ADCY2: variants seen among roughly 807,000 people sequenced by gnomAD.
The protein encoded by ADCY2 is adenylate cyclase 2, also known as adenylate cyclase type 2.
In ADCY2, 31 loss-of-function variants were observed where a neutral mutation model predicts 125.2. The ratio of observed to expected loss-of-function variants is 0.25; its 90% confidence interval spans 0.19 to 0.33. The LOEUF (loss-of-function observed/expected upper bound fraction) is 0.33, where lower values mean the gene tolerates loss of function less well. Ranked by LOEUF, ADCY2 falls within the 10% of genes least tolerant of loss-of-function variation. The pLI, the probability that ADCY2 is intolerant of heterozygous loss-of-function variation, is 1.00. For missense variants in ADCY2, 904 were observed against 1,418.2 expected (o/e 0.64, Z 5.82); for synonymous variants, 512 against 548.4 (o/e 0.93, Z 0.93).
intron 3 of ADCY2, among the ~76,000 whole-genome samples, chr5:7,614,507 T>C (rs1737683414): frequency 6.6e-6 from 1 of 152,228 alleles, no homozygotes; most frequent in African/African-American, 2.4e-5. Flanking sequence ...CAGAATCTTA[T>C]CAGCCCAAAA....
At chr5:7,736,669 A>T (rs966510289) in intron 14 of ADCY2, among the ~76,000 whole-genome samples, 1 of 152,136 alleles carries the variant, frequency 6.6e-6, no homozygotes, top group Admixed American at 6.5e-5. Flanking sequence ...GGTCTATTTG[A>T]CCTGACTTCA....
chr5:7,585,474 GT>G (rs1258784179), intron 3 of ADCY2, among the ~76,000 whole-genome samples: 1 of 152,164 alleles, frequency 6.6e-6, no homozygotes, highest in Non-Finnish European at 1.5e-5. Context: ...GGCAAATGTG[GT>G]TTTAATTTAT....
chr5:7,442,730 T>C (rs937400160), intron 2 of ADCY2, among the ~76,000 whole-genome samples: 3 of 152,210 alleles, frequency 2.0e-5, no homozygotes, highest in African/African-American at 7.2e-5. Flanking sequence ...TAGGGCTAAT[T>C]AGTTTATCTG....
At chr5:7,451,837 G>A (rs546530721) in intron 2 of ADCY2, among the ~76,000 whole-genome samples, 2 of 152,136 alleles carry the variant, frequency 1.3e-5, no homozygotes, top group South Asian at 4.2e-4. Flanking sequence ...TTGTATAGTG[G>A]TGAAGTCAGA....
intron 2 of ADCY2, among the ~76,000 whole-genome samples, chr5:7,510,170 T>A (rs1296884146): frequency 6.6e-6 from 1 of 152,238 alleles, no homozygotes; most frequent in Non-Finnish European, 1.5e-5. Context: ...CAATGGTTTT[T>A]ATTTTAAAAT....
At chr5:7,543,115 G>A (rs1735045153) in intron 3 of ADCY2, among the ~76,000 whole-genome samples, 2 of 152,200 alleles carry the variant, frequency 1.3e-5, no homozygotes, top group Non-Finnish European at 2.9e-5. Context: ...GATGATAAAA[G>A]TGGAAATAAA....
chr5:7,569,971 T>C (rs913179982), intron 3 of ADCY2, among the ~76,000 whole-genome samples: 1 of 148,248 alleles, frequency 6.7e-6, no homozygotes, highest in African/African-American at 2.5e-5. Flanking sequence ...CCATTAATAA[T>C]CTTGAAAGTG....
chr5:7,606,937 C>T (rs1384223936), intron 3 of ADCY2, among the ~76,000 whole-genome samples: 5 of 152,102 alleles, frequency 3.3e-5, no homozygotes, highest in African/African-American at 9.7e-5. Flanking sequence ...CATCCCATTC[C>T]CACCCCTGTT....
intron 1 of ADCY2, among the ~76,000 whole-genome samples, chr5:7,406,889 C>T (rs2126309307): frequency 6.6e-6 from 1 of 152,320 alleles, no homozygotes; most frequent in Admixed American, 6.5e-5. Context: ...TCTGCCTTCT[C>T]ATGCTATGTC....
At chr5:7,515,792 G>A (rs1744233482) in intron 2 of ADCY2, among the ~76,000 whole-genome samples, 1 of 152,104 alleles carries the variant, frequency 6.6e-6, no homozygotes. Flanking sequence ...CTGGGGTCTC[G>A]GCTATGAGTG....
At chr5:7,603,733 G>A (rs1737295799) in intron 3 of ADCY2, among the ~76,000 whole-genome samples, 1 of 106,518 alleles carries the variant, frequency 9.4e-6, no homozygotes, top group Non-Finnish European at 1.9e-5. Flanking sequence ...GAAGGTTCCA[G>A]TATGGCATCT....
chr5:7,787,942 T>C (rs1560995382), intron 19 of ADCY2, among the ~76,000 whole-genome samples: 1 of 152,194 alleles, frequency 6.6e-6, no homozygotes, highest in East Asian at 1.9e-4. Flanking sequence ...CATCTCATGC[T>C]TCACTTTTGT....
At chr5:7,478,053 T>C (rs1343927776) in intron 2 of ADCY2, among the ~76,000 whole-genome samples, 1 of 152,188 alleles carries the variant, frequency 6.6e-6, no homozygotes, top group Non-Finnish European at 1.5e-5. Flanking sequence ...TATAAAATAT[T>C]GGTTGATAAA....
In ADCY2 at chr5:7,703,431, C is replaced by CT. The variant is rs1424005027; in HGVS notation, c.1110-3310dup. On this transcript the variant is annotated intron_variant, in intron 7 of 24. Transcript: ENST00000338316. ...GTGTAAGGAAGGGATCCAGTTTCGG[C>CT]TTTCTACATATAGCTAGCCAGTTTT... Among the ~76,000 whole-genome samples, 7 of 151,740 alleles carry CT rather than the reference C, an allele frequency of 4.6e-5. No individual in the cohort carries two copies. The East Asian group carries it at 1.2e-3, about 25-fold the overall frequency.
intron 4 of ADCY2, among the ~76,000 whole-genome samples, chr5:7,633,401 A>G (rs1020513808): frequency 6.6e-6 from 1 of 151,430 alleles, no homozygotes; most frequent in Non-Finnish European, 1.5e-5. Context: ...ACAGCACTGC[A>G]CTCCAGCCTG....
At chr5:7,575,937 ATGCG>A (rs1209227244) in intron 3 of ADCY2, among the ~76,000 whole-genome samples, 6 of 152,148 alleles carry the variant, frequency 3.9e-5, no homozygotes, top group African/African-American at 1.4e-4. Context: ...CTGTCTGTGA[ATGCG>A]TGTGTGTGTA....
At chr5:7,500,076 G>GTT (rs1194112347) in intron 2 of ADCY2, among the ~76,000 whole-genome samples, 3 of 152,078 alleles carry the variant, frequency 2.0e-5, no homozygotes, top group Admixed American at 2.0e-4. Flanking sequence ...GATTATTTGT[G>GTT]TTTGTTTTTA....
intron 12 of ADCY2, among the ~76,000 whole-genome samples, chr5:7,721,601 A>G (rs1008996686): frequency 2.0e-5 from 3 of 152,232 alleles, no homozygotes; most frequent in Admixed American, 6.5e-5. Context: ...ATCCTGTTTC[A>G]GCTTTCTACG....
rs116548661 is a variant in ADCY2, at chr5:7,750,579, G to A, written c.1956+6827G>A. Among the ~76,000 whole-genome samples, 1,043 of 152,194 alleles carry A rather than the reference G, an allele frequency of 6.9e-3. 5 individuals carry two copies. The highest frequency in any genetic ancestry group is 0.011 in the Non-Finnish European group (729 of 68,000). ...TTTATAATCCTTCCCATGAGGGTTT[G>A]TATATAATATACCCACTCAGATTTT... On this transcript the variant is annotated intron_variant, in intron 15 of 24. Coordinates refer to ENST00000338316, the MANE Select transcript of ADCY2 (RefSeq NM_020546.3).
Sources: gnomAD v4.1 joint callset for allele counts (sites outside exome capture counted in the v4.1 genomes callset) on GRCh38, gnomAD v4.1.1 for gene constraint, MANE v1.5 for transcripts, NCBI Gene and HGNC (gene_info 2026-07-23, HGNC 2026-07-21) for gene names.